RGS20: variants seen among roughly 807,000 people sequenced by gnomAD.
RGS20 encodes the protein gz-selective GTPase-activating protein.
RGS20 carries 30 observed loss-of-function variants against 33.6 expected under a neutral mutation model. That is an observed-to-expected ratio of 0.89 (90% CI 0.67 to 1.21). RGS20 has a LOEUF of 1.21. RGS20 is among the 50% of genes most tolerant of loss of function. The pLI is 0.00. For missense variants in RGS20, 472 were observed against 502.4 expected (o/e 0.94, Z 0.58); for synonymous variants, 208 against 197.9 (o/e 1.05, Z -0.43).
At chr8:53,928,156 A>G (rs1048729217) in intron 2 of RGS20, among the ~76,000 whole-genome samples, 137 of 152,370 alleles carry the variant, frequency 9.0e-4, no homozygotes, top group African/African-American at 3.2e-3. Context: ...AGAGGATAGT[A>G]TAACAAACCC....
intron 2 of RGS20, chr8:53,881,040 C>G (rs777518345): frequency 1.3e-6 from 2 of 1,569,254 alleles, no homozygotes; most frequent in African/African-American, 1.4e-5. Context: ...CGGAGGCGAG[C>G]CGGCCGGGGC....
At chr8:53,957,113 G>C (rs959787861) in intron 5 of RGS20, among the ~76,000 whole-genome samples, 1 of 151,772 alleles carries the variant, frequency 6.6e-6, no homozygotes, top group African/African-American at 2.4e-5. Context: ...GCTATACAGT[G>C]ACAGGGATGG....
At chr8:53,911,011 A>G (rs1813333379) in intron 2 of RGS20, among the ~76,000 whole-genome samples, 1 of 152,238 alleles carries the variant, frequency 6.6e-6, no homozygotes. Context: ...ATAAACTTTA[A>G]AAAGGCTGTG....
At chr8:53,873,770 G>T (rs1313104211) in intron 1 of RGS20, among the ~76,000 whole-genome samples, 1 of 152,020 alleles carries the variant, frequency 6.6e-6, no homozygotes, top group East Asian at 1.9e-4. Flanking sequence ...AAGTGCTATA[G>T]AAAAAAAACT....
chr8:53,938,179 TAC>T (rs1436578324), intron 2 of RGS20, among the ~76,000 whole-genome samples: 3 of 152,198 alleles, frequency 2.0e-5, no homozygotes, highest in African/African-American at 7.2e-5. Flanking sequence ...GTGGCACATA[TAC>T]ACCATGGAAT....
At chr8:53,873,622 C>G (rs1812126285) in intron 1 of RGS20, among the ~76,000 whole-genome samples, 1 of 152,068 alleles carries the variant, frequency 6.6e-6, no homozygotes, top group Non-Finnish European at 1.5e-5. Context: ...TTCATCTATC[C>G]AACAAATATT....
At chr8:53,920,895 A>T (rs1362315044) in intron 2 of RGS20, among the ~76,000 whole-genome samples, 1 of 152,116 alleles carries the variant, frequency 6.6e-6, no homozygotes, top group Non-Finnish European at 1.5e-5. Context: ...AGTAGCTGGG[A>T]TTACAGGCAC....
At chr8:53,860,738 G>T (rs1811792422) in intron 1 of RGS20, among the ~76,000 whole-genome samples, 1 of 152,226 alleles carries the variant, frequency 6.6e-6, no homozygotes, top group Non-Finnish European at 1.5e-5. Context: ...GGCCAAGACA[G>T]GTGGATCACT....
intron 2 of RGS20, among the ~76,000 whole-genome samples, chr8:53,911,597 G>GA (rs1022756808): frequency 3.2e-4 from 49 of 152,268 alleles, no homozygotes; most frequent in African/African-American, 1.1e-3. Context: ...AAACTACGTA[G>GA]AAAAAATCGA....
chr8:53,884,023 C>T (rs997968479), intron 2 of RGS20, among the ~76,000 whole-genome samples: 2 of 151,548 alleles, frequency 1.3e-5, no homozygotes, highest in Non-Finnish European at 2.9e-5. Context: ...GCTCTTATAA[C>T]GGGATGGCAC....
chr8:53,906,733 G>A (rs572036973), intron 2 of RGS20, among the ~76,000 whole-genome samples: 1 of 152,302 alleles, frequency 6.6e-6, no homozygotes, highest in South Asian at 2.1e-4. Flanking sequence ...CAGTGAAATT[G>A]AAATGAATGA....
At chr8:53,912,720 TCATC>T (rs1813378815) in intron 2 of RGS20, among the ~76,000 whole-genome samples, 1 of 152,200 alleles carries the variant, frequency 6.6e-6, no homozygotes, top group Admixed American at 6.6e-5. Flanking sequence ...TGTGATTTCT[TCATC>T]CATGATTTTT....
chr8:53,875,993 G>A (rs933626666), intron 1 of RGS20, among the ~76,000 whole-genome samples: 1 of 152,162 alleles, frequency 6.6e-6, no homozygotes, highest in African/African-American at 2.4e-5. Flanking sequence ...TGCCTTTATA[G>A]TTTTCACTGT....
chr8:53,903,323 G>C (rs1479907393), intron 2 of RGS20, among the ~76,000 whole-genome samples: 1 of 152,148 alleles, frequency 6.6e-6, no homozygotes, highest in African/African-American at 2.4e-5. Flanking sequence ...TCTGAAAATA[G>C]TGAACAATGA....
chr8:53,947,541 T>C (rs1012212851), intron 4 of RGS20, among the ~76,000 whole-genome samples: 38 of 136,608 alleles, frequency 2.8e-4, no homozygotes, highest in South Asian at 1.4e-3. Flanking sequence ...GGATATAGTA[T>C]ATACATTTAT....
chr8:53,948,340 T>C, intron 4 of RGS20, among the ~76,000 whole-genome samples: 1 of 141,116 alleles, frequency 7.1e-6, no homozygotes, highest in African/African-American at 2.6e-5. Flanking sequence ...TAAGACAGTA[T>C]ATATTTATAT....
intron 2 of RGS20, among the ~76,000 whole-genome samples, chr8:53,885,600 G>T (rs1051851197): frequency 2.0e-5 from 3 of 151,702 alleles, no homozygotes; most frequent in Non-Finnish European, 4.4e-5. Context: ...GGCGACAGAG[G>T]GAGACTCCGT....
chr8:53,914,026 T>C (rs549870332), intron 2 of RGS20: 3 of 136,546 alleles, frequency 2.2e-5, no homozygotes, highest in Non-Finnish European at 4.7e-5. Flanking sequence ...TTTCTCTTTT[T>C]TCCAATCTCT....
chr8:53,902,478 C>T (rs1401634100), intron 2 of RGS20, among the ~76,000 whole-genome samples: 1 of 152,220 alleles, frequency 6.6e-6, no homozygotes, highest in Non-Finnish European at 1.5e-5. Context: ...ACTGGTTACA[C>T]CAATTTACAC....
Sources: gnomAD v4.1 joint callset for allele counts (sites outside exome capture counted in the v4.1 genomes callset) on GRCh38, gnomAD v4.1.1 for gene constraint, MANE v1.5 for transcripts, NCBI Gene and HGNC (gene_info 2026-07-23, HGNC 2026-07-21) for gene names.